Variants in MAGI2 observed in about 807,000 individuals in gnomAD.
The protein encoded by MAGI2 is membrane-associated guanylate kinase, WW and PDZ domain-containing protein 2.
MAGI2 carries 35 observed loss-of-function variants against 133.3 expected under a neutral mutation model. The ratio of observed to expected loss-of-function variants is 0.26; its 90% CI spans 0.20 to 0.35. MAGI2 has a LOEUF of 0.35. Ranked by LOEUF, MAGI2 falls within the 10% of genes least tolerant of loss-of-function variation. MAGI2 has a pLI of 1.00. For missense variants in MAGI2, 1,636 were observed against 1,863.4 expected, an observed-to-expected ratio of 0.88 and a Z score of 2.25; for synonymous variants, 729 against 710.6, an observed-to-expected ratio of 1.03 and a Z score of -0.41.
chr7:78,067,024 G>A (rs999912297), intron 21 of MAGI2, among the ~76,000 whole-genome samples: 8 of 152,222 alleles, frequency 5.3e-5, no homozygotes, highest in African/African-American at 1.4e-4. Flanking sequence ...AGCACGGTGT[G>A]TTTGAGGAAA....
intron 6 of MAGI2, among the ~76,000 whole-genome samples, chr7:78,451,839 G>A (rs1788756339): frequency 6.6e-6 from 1 of 152,086 alleles, no homozygotes; most frequent in Non-Finnish European, 1.5e-5. Flanking sequence ...AGGGTGACAG[G>A]CAGACTTTTC....
At chr7:78,705,852 C>T (rs1818588927) in intron 2 of MAGI2, among the ~76,000 whole-genome samples, 1 of 152,050 alleles carries the variant, frequency 6.6e-6, no homozygotes, top group African/African-American at 2.4e-5. Context: ...ATAAAGATGC[C>T]TTAAACTGTT....
intron 16 of MAGI2, among the ~76,000 whole-genome samples, chr7:78,152,925 C>A (rs1356279298): frequency 1.3e-5 from 2 of 152,188 alleles, no homozygotes; most frequent in Non-Finnish European, 2.9e-5. Context: ...AATAAGAGAA[C>A]ATTACATGTT....
intron 6 of MAGI2, among the ~76,000 whole-genome samples, chr7:78,371,307 G>T (rs1383637845): frequency 6.6e-6 from 1 of 151,628 alleles, no homozygotes; most frequent in Non-Finnish European, 1.5e-5. Context: ...ATATACAGAG[G>T]ACAGCAATTA....
chr7:79,014,554 C>T (rs1808498312), intron 1 of MAGI2, among the ~76,000 whole-genome samples: 1 of 151,992 alleles, frequency 6.6e-6, no homozygotes, highest in Non-Finnish European at 1.5e-5. Context: ...CAGGAAGTCA[C>T]ACCAAATTCA....
intron 2 of MAGI2, among the ~76,000 whole-genome samples, chr7:78,765,284 G>A (rs1034234511): frequency 6.7e-6 from 1 of 150,358 alleles, no homozygotes; most frequent in Admixed American, 6.6e-5. Context: ...CCACTATATT[G>A]CTGCCTTAGT....
chr7:78,690,356 A>G (rs961190973), intron 2 of MAGI2, among the ~76,000 whole-genome samples: 10 of 152,218 alleles, frequency 6.6e-5, no homozygotes, highest in African/African-American at 9.6e-5. Flanking sequence ...ATGTTTCACA[A>G]CAGGGAAGGC....
intron 1 of MAGI2, among the ~76,000 whole-genome samples, chr7:79,270,408 T>C (rs1035199898): frequency 1.3e-5 from 2 of 152,170 alleles, no homozygotes; most frequent in African/African-American, 4.8e-5. Context: ...GATGATCAGT[T>C]TCCTAACTGA....
At chr7:78,838,443 A>G (rs971875132) in intron 2 of MAGI2, among the ~76,000 whole-genome samples, 1 of 151,802 alleles carries the variant, frequency 6.6e-6, no homozygotes, top group Admixed American at 6.6e-5. Flanking sequence ...CATTTATCCT[A>G]TTCCATTTTT....
chr7:78,146,685 T>G (rs1181717105), intron 16 of MAGI2, among the ~76,000 whole-genome samples: 1 of 152,180 alleles, frequency 6.6e-6, no homozygotes, highest in Non-Finnish European at 1.5e-5. Context: ...GAAGCACTTT[T>G]CACACCCATC....
chr7:78,508,083 G>A (rs942653938), intron 4 of MAGI2, among the ~76,000 whole-genome samples: 1 of 152,116 alleles, frequency 6.6e-6, no homozygotes, highest in Non-Finnish European at 1.5e-5. Context: ...GTCTTCACAT[G>A]GTATTTTCCC....
At chr7:78,252,356 A>G (rs1296369619) in intron 10 of MAGI2, 1 of 152,100 alleles carries the variant, frequency 6.6e-6, no homozygotes, top group Admixed American at 6.5e-5. Flanking sequence ...GGCATCTAGA[A>G]ATAAACCTCC....
intron 6 of MAGI2, chr7:78,487,077 C>T (rs1197182521): frequency 2.2e-5 from 9 of 418,438 alleles, no homozygotes; most frequent in Non-Finnish European, 2.8e-5. Flanking sequence ...TGATAGGCTA[C>T]GGTCCTGTTC....
chr7:79,315,325 A>T lies in MAGI2; in HGVS notation c.301+137695T>A, dbSNP rs112026525. On this transcript the variant is annotated intron_variant, in intron 1 of 21. Transcript: ENST00000354212. ...AGGCATGTGCAACCATGCCCAGTTA[A>T]TTTTTTTTTTTTTTTTTTTTTGTAT... Among the ~76,000 whole-genome samples, 622 of 92,448 alleles carry T rather than the reference A, an allele frequency of 6.7e-3. 8 individuals carry two copies. Among genetic ancestry groups the T allele is most frequent in the African/African-American group, 0.018 (565 of 30,732 alleles). The allele number at this position is 92,448 out of a possible 152,430, so 60.6% of individuals were successfully genotyped here.
chr7:78,179,074 C>T (rs987313797), intron 13 of MAGI2, among the ~76,000 whole-genome samples: 5 of 152,204 alleles, frequency 3.3e-5, no homozygotes, highest in Non-Finnish European at 7.3e-5. Context: ...GACCAAGCTG[C>T]GCATACTTTC....
chr7:78,126,912 G>A (rs1159623174), intron 19 of MAGI2, among the ~76,000 whole-genome samples: 1 of 152,202 alleles, frequency 6.6e-6, no homozygotes, highest in Non-Finnish European at 1.5e-5. Flanking sequence ...CGTACAAGGA[G>A]TTAGCTAGTA....
chr7:78,733,339 G>A (rs1821548924), intron 2 of MAGI2, among the ~76,000 whole-genome samples: 1 of 152,142 alleles, frequency 6.6e-6, no homozygotes, highest in Non-Finnish European at 1.5e-5. Flanking sequence ...CTACTCCTAG[G>A]AGAGAAGCAG....
At chr7:78,380,231 C>G (rs944719391) in intron 6 of MAGI2, among the ~76,000 whole-genome samples, 36 of 150,874 alleles carry the variant, frequency 2.4e-4, no homozygotes, top group African/African-American at 7.1e-4. Context: ...TTTAAAAAAG[C>G]AAAATAAACA....
At chr7:78,082,326 C>T (rs1816066442) in intron 20 of MAGI2, among the ~76,000 whole-genome samples, 1 of 151,992 alleles carries the variant, frequency 6.6e-6, no homozygotes, top group Non-Finnish European at 1.5e-5. Context: ...TTGAAAGCTA[C>T]GGGGGAGGAG....
Sources: allele counts gnomAD v4.1 joint callset (sites outside exome capture counted in the v4.1 genomes callset), GRCh38; gene constraint gnomAD v4.1.1; transcripts MANE v1.5; gene names NCBI Gene and HGNC (gene_info 2026-07-23, HGNC 2026-07-21).